The following LRBA variants were observed in gnomAD, a reference collection of about 807,000 sequenced individuals.
The protein encoded by LRBA is LPS responsive beige-like anchor protein.
LRBA carries 176 observed loss-of-function variants against 330.0 expected under a neutral mutation model. The observed-to-expected ratio is 0.53, with a 90% CI of 0.47 to 0.60. The LOEUF is 0.60. Among genes scored for constraint, LRBA ranks in the 20% least tolerant of loss-of-function variants. LRBA has a pLI of 0.00. For synonymous variants in LRBA, 1,230 were observed against 1,193.0 expected (o/e 1.03, Z -0.64); for missense variants, 3,259 against 3,444.8 (o/e 0.95, Z 1.35).
At chr4:151,006,234 G>A (rs1744058320) in intron 2 of LRBA, among the ~76,000 whole-genome samples, 1 of 152,126 alleles carries the variant, frequency 6.6e-6, no homozygotes, top group Non-Finnish European at 1.5e-5. Flanking sequence ...AGCTGAGGCA[G>A]GAGAATCACT....
rs561504909 is a variant in LRBA, at chr4:150,783,913, C to A, written c.5580+14168G>T. On this transcript the variant is annotated intron_variant, in intron 34 of 56. Transcript: ENST00000651943. ...AGTTTGAATTTGACAAAACAGTAAA[C>A]AACTACAGCTTCTCCTGGAAAGAAA... 3.3e-5 allele frequency among the ~76,000 whole-genome samples: 5 copies of A among 152,236 alleles called. No individual in the cohort carries two copies. The South Asian group carries it at 6.2e-4, about 19-fold the overall frequency.
At chr4:150,273,418 A>G (rs1746385328) in intron 56 of LRBA, among the ~76,000 whole-genome samples, 1 of 152,208 alleles carries the variant, frequency 6.6e-6, no homozygotes, top group African/African-American at 2.4e-5. Flanking sequence ...TGAGCAAAAT[A>G]ACCAGCTAGC....
At chr4:150,616,016 T>A (rs182660401) in intron 37 of LRBA, among the ~76,000 whole-genome samples, 2 of 152,298 alleles carry the variant, frequency 1.3e-5, no homozygotes, top group East Asian at 3.9e-4. Context: ...TTATAAAATT[T>A]ATATGAAACA....
chr4:150,825,553 G>C (rs1746127503), intron 30 of LRBA, among the ~76,000 whole-genome samples: 1 of 152,114 alleles, frequency 6.6e-6, no homozygotes, highest in African/African-American at 2.4e-5. Context: ...ATTTTTAGTA[G>C]AGGTGGGGTT....
At chr4:150,906,472 G>T (rs892501611) in intron 11 of LRBA, 67 bp from the exon 12 acceptor site, 8 of 827,152 alleles carry the variant, frequency 9.7e-6, no homozygotes, top group African/African-American at 1.7e-5. Context: ...AGGTTAGATA[G>T]ATGTAACCCT....
intron 52 of LRBA, among the ~76,000 whole-genome samples, chr4:150,309,852 G>C (rs184238472): frequency 6.6e-6 from 1 of 152,118 alleles, no homozygotes; most frequent in African/African-American, 2.4e-5. Context: ...GTAGGAAAAA[G>C]AAAATCCTTT....
intron 46 of LRBA, among the ~76,000 whole-genome samples, chr4:150,417,940 T>TCA (rs995012218): frequency 3.6e-4 from 55 of 152,114 alleles, no homozygotes; most frequent in African/African-American, 1.3e-3. Flanking sequence ...ATCTGTTATT[T>TCA]CATTCAGGTT....
chr4:150,385,970 G>C (rs1045842385), intron 47 of LRBA, among the ~76,000 whole-genome samples: 1 of 152,082 alleles, frequency 6.6e-6, no homozygotes, highest in African/African-American at 2.4e-5. Context: ...ACTCGGCCTC[G>C]TCTAGATACT....
intron 47 of LRBA, among the ~76,000 whole-genome samples, chr4:150,395,244 G>A (rs76537659): frequency 0.15 from 22,620 of 152,020 alleles, 1,707 homozygotes; most frequent in Non-Finnish European, 0.17. Flanking sequence ...ACTGTAACAT[G>A]TCTAAAACTG....
intron 42 of LRBA, among the ~76,000 whole-genome samples, chr4:150,478,400 T>C (rs1010042383): frequency 6.6e-6 from 1 of 152,148 alleles, no homozygotes; most frequent in Non-Finnish European, 1.5e-5. Context: ...TTATTCCTAA[T>C]CCCAGTAAAT....
At chr4:150,377,516 A>T (rs1320142935) in intron 47 of LRBA, among the ~76,000 whole-genome samples, 1 of 152,178 alleles carries the variant, frequency 6.6e-6, no homozygotes, top group Non-Finnish European at 1.5e-5. Flanking sequence ...AAAAGTCCTT[A>T]GAAATGGAGG....
At chr4:150,640,694 T>C (rs1397116425) in intron 37 of LRBA, among the ~76,000 whole-genome samples, 1 of 152,214 alleles carries the variant, frequency 6.6e-6, no homozygotes, top group African/African-American at 2.4e-5. Flanking sequence ...CTTTTATCTC[T>C]GGTCTAGTGT....
chr4:150,466,283 A>G (rs973896797), intron 44 of LRBA, among the ~76,000 whole-genome samples: 3 of 142,366 alleles, frequency 2.1e-5, no homozygotes, highest in African/African-American at 7.3e-5. Flanking sequence ...TGAGTAAATA[A>G]GAGAACACAC....
chr4:150,580,919 T>G (rs1184997024), intron 40 of LRBA: 3 of 152,650 alleles, frequency 2.0e-5, no homozygotes, highest in Non-Finnish European at 4.4e-5. Context: ...AAAGCAAGAG[T>G]CAATTATGAA....
intron 19 of LRBA, 59 bp from the exon 20 acceptor site, chr4:150,870,665 T>G (rs941100128): frequency 2.4e-6 from 2 of 817,550 alleles, no homozygotes; most frequent in East Asian, 4.9e-5. Context: ...TCACTATTAA[T>G]GAACTTTAAG....
chr4:150,630,777 A>G (rs1451395710), intron 37 of LRBA, among the ~76,000 whole-genome samples: 1 of 152,120 alleles, frequency 6.6e-6, no homozygotes, highest in East Asian at 1.9e-4. Context: ...TAAACACATA[A>G]AATATATACC....
Position 150,808,305 on chromosome 4 carries a change from T to A in LRBA, c.5384+15A>T. 1 of 1,574,160 alleles carries A rather than the reference T, an allele frequency of 6.4e-7. No individual in the cohort carries two copies. Among genetic ancestry groups the A allele is most frequent in the Non-Finnish European group, 8.7e-7 (1 of 1,146,780 alleles). Reference sequence around the variant, plus strand: ...AAGGTATAAATCACAATATTCAAGTTAGTAGCTTAAATACCTCATATTTGA... The same window carrying A: ...AAGGTATAAATCACAATATTCAAGTAAGTAGCTTAAATACCTCATATTTGA... On this transcript the variant is annotated intron_variant, in intron 32 of 56. Coordinates refer to ENST00000651943, the MANE Select transcript of LRBA (RefSeq NM_001364905.1).
chr4:150,933,849 C>T (rs1734775815), intron 2 of LRBA, among the ~76,000 whole-genome samples: 1 of 151,722 alleles, frequency 6.6e-6, no homozygotes, highest in South Asian at 2.1e-4. Context: ...GGCGAGACCC[C>T]ATCTCTACCA....
rs530157333 is a variant in LRBA at position 150,893,086 on chromosome 4, T to C, written c.2131A>G (p.Met711Val). The C allele has an allele frequency of 1.6e-5, 26 of 1,611,768 alleles. No individual in the cohort carries two copies. Among genetic ancestry groups the C allele is most frequent in the Admixed American group, 6.7e-5 (4 of 59,924 alleles). Residue 711 changes from methionine (M) to valine (V), a missense_variant, in exon 17 of 57, where the codon ATG becomes GTG. Coordinates refer to ENST00000651943, the MANE Select transcript of LRBA (RefSeq NM_001364905.1). Reference sequence around the variant, plus strand: ...TTCCTTTGGTCAAAAGCAGGAATCATAGAGTTAGGGTGTTCTGACATTAAT... The same window carrying C: ...TTCCTTTGGTCAAAAGCAGGAATCACAGAGTTAGGGTGTTCTGACATTAAT... ...VALMSEHPNS[M>V]IPAFDQRNGL...
Sources: allele counts gnomAD v4.1 joint callset (sites outside exome capture counted in the v4.1 genomes callset), GRCh38; gene constraint gnomAD v4.1.1; transcripts MANE v1.5; gene names NCBI Gene and HGNC (gene_info 2026-07-23, HGNC 2026-07-21).